The following DOK1 variants were observed in gnomAD, a reference collection of about 807,000 sequenced individuals.
DOK1 encodes docking protein 1.
DOK1 carries 12 observed loss-of-function variants against 24.0 expected under a neutral mutation model. The observed-to-expected ratio is 0.50, with a 90% CI of 0.32 to 0.81. The LOEUF (loss-of-function observed/expected upper bound fraction) is 0.81, where lower values mean the gene tolerates loss of function less well. Among genes scored for constraint, DOK1 ranks in the 30% least tolerant of loss-of-function variants. The probability of loss-of-function intolerance (pLI) is 0.03; values close to 1 mark genes in which losing one functional copy is unlikely to be tolerated. For missense variants in DOK1, 591 were observed against 620.7 expected (o/e 0.95, Z 0.51); for synonymous variants, 250 against 260.9 (o/e 0.96, Z 0.40).
chr2:74,552,061 T>G (rs1677051360), upstream of DOK1, among the ~76,000 whole-genome samples: 1 of 152,250 alleles, frequency 6.6e-6, no homozygotes, highest in African/African-American at 2.4e-5. Context: ...AGGATCATAC[T>G]TTTGCAGCAG....
upstream of DOK1, chr2:74,550,087 C>T: frequency 2.0e-6 from 3 of 1,494,790 alleles, no homozygotes; most frequent in African/African-American, 2.8e-5. Flanking sequence ...CCAAATGATC[C>T]CCCAGGGGTA....
upstream of DOK1, chr2:74,554,383 G>A (rs1573036167): frequency 3.3e-4 from 81 of 243,060 alleles, no homozygotes; most frequent in Middle Eastern, 2.7e-3. This position sits in a 1 kb window ranked among gnomAD's most constrained non-coding sequence, Gnocchi z 4.9. Flanking sequence ...GCCCGTGTGG[G>A]TCTCTCCGGT....
Position 74,549,320 on chromosome 2 carries a change from G to C in DOK1, c.-358+148G>C. ...GATGTCTCCCAAGGCTATTCATCAG[G>C]GAGCACCCCAATCCCGGCCTGCTCC... On this transcript the variant is annotated intron_variant, in intron 1 of 4. Coordinates refer to the DOK1 transcript ENST00000409429. This position sits in a 1 kb window ranked among gnomAD's most constrained non-coding sequence, Gnocchi z 5.3. 1.3e-6 allele frequency: 2 copies of C among 1,510,258 alleles called. No homozygotes were observed. Among genetic ancestry groups the C allele is most frequent in the Non-Finnish European group, 1.8e-6 (2 of 1,123,914 alleles). The allele number at this position is 1,510,258 out of a possible 1,614,324, so 93.6% of individuals were successfully genotyped here.
At chr2:74,552,194 T>C, upstream of DOK1, 1 of 841,128 alleles carries the variant, frequency 1.2e-6, no homozygotes, top group Non-Finnish European at 1.8e-6. Flanking sequence ...TTGTCATCCA[T>C]GGATTTACTC....
chr2:74,557,276 AG>A lies in DOK1; in HGVS notation c.*164del. 1.4e-6 allele frequency: 1 copy of A among 734,430 alleles called. No individual in the cohort carries two copies. Among genetic ancestry groups the A allele is most frequent in the South Asian group, 2.1e-5 (1 of 48,002 alleles). The allele number at this position is 734,430 out of a possible 1,614,324, so 45.5% of individuals were successfully genotyped here. ...GGAGAGTCAAGGGAAGGACAATCCC[AG>A]GAAGTCCTAAGAAGTGGGGCAGATG... On this transcript the variant is annotated 3_prime_UTR_variant, in exon 5 of 5. Transcript: ENST00000233668.
rs1677547199 is a variant in DOK1 at position 74,557,183 on chromosome 2, G to C, written c.*69G>C. On this transcript the variant is annotated 3_prime_UTR_variant, in exon 5 of 5. Coordinates refer to ENST00000233668, the MANE Select transcript of DOK1 (RefSeq NM_001381.5). ...GTGGCACTAGGGATCAAAGAAGATG[G>C]TTAGAACCAGCAGAAGCCAGAGGGT... 1 of 1,493,172 alleles carries C rather than the reference G, an allele frequency of 6.7e-7. No individual in the cohort carries two copies. The highest frequency in any genetic ancestry group is 2.3e-5 in the East Asian group (1 of 43,490). 92.5% of individuals were successfully genotyped at this position (1,493,172 alleles called of 1,614,324 possible).
At chr2:74,552,965 C>T, upstream of DOK1, 1 of 298,030 alleles carries the variant, frequency 3.4e-6, no homozygotes, top group Non-Finnish European at 6.2e-6. Context: ...GAGGAAGACC[C>T]AGACAGACAG....
chr2:74,550,345 C>A (rs73949682), upstream of DOK1: 6,317 of 1,612,492 alleles, frequency 3.9e-3, 221 homozygotes, highest in African/African-American at 0.075. Context: ...CAGCCAGATG[C>A]GGCCTGTGGA....
At position 74,556,843 on chromosome 2, in the gene DOK1, G is replaced by A. The variant is rs1360906550; in HGVS notation, c.1175G>A (p.Arg392Gln). 2.4e-5 allele frequency: 38 copies of A among 1,614,006 alleles called. No individual in the cohort carries two copies. The highest frequency in any genetic ancestry group is 4.5e-5 in the East Asian group (2 of 44,882). The part of the protein sequence containing the change: ...EPKDAWWCQA[R>Q]VKEEGYELPY... ...AAGGATGCATGGTGGTGCCAAGCTC[G>A]GGTGAAGGAGGAGGGCTATGAGCTC... Residue 392 changes from arginine to glutamine, a missense_variant, in exon 5 of 5, where the codon CGG becomes CAG. By Grantham distance (43) the Arg-to-Gln change is conservative (BLOSUM62 1). Coordinates refer to ENST00000233668, the MANE Select transcript of DOK1 (RefSeq NM_001381.5). This position sits in a 1 kb window ranked among gnomAD's most constrained non-coding sequence, Gnocchi z 4.1.
At chr2:74,552,507 C>T (rs765433257), upstream of DOK1, 21 of 1,613,564 alleles carry the variant, frequency 1.3e-5, no homozygotes, top group African/African-American at 4.0e-5. Context: ...CAGCCGGAAC[C>T]GAAGCCCCTG....
rs1245793711 is a variant in DOK1, at chr2:74,555,611, C to T, written c.397C>T (p.Pro133Ser). 1.2e-6 allele frequency: 2 copies of T among 1,614,074 alleles called. No individual in the cohort carries two copies. Among genetic ancestry groups the T allele is most frequent in the Non-Finnish European group, 8.5e-7 (1 of 1,180,048 alleles). ...SWTLAPTDNP[P>S]KLSALEMLEN... ...GACTCTGGCGCCTACCGATAACCCA[C>T]CTAAGCTTTCTGCCCTGGAGATGCT... The change falls in exon 3 of 5, where the codon CCT (proline) becomes TCT (serine). Residue 133 changes from proline to serine, a missense_variant. Transcript: ENST00000233668. The surrounding 1 kb of genome is among the most constrained non-coding windows in gnomAD (Gnocchi z 6.1).
In DOK1 at chr2:74,555,075, G is replaced by T; in HGVS notation, c.61-79G>T. 3 of 1,509,706 alleles carry T rather than the reference G, an allele frequency of 2.0e-6. No individual in the cohort carries two copies. The highest frequency in any genetic ancestry group is 2.4e-4 in the Middle Eastern group (1 of 4,146). 93.5% of individuals were successfully genotyped at this position (1,509,706 alleles called of 1,614,324 possible). On this transcript the variant is annotated intron_variant, in intron 1 of 4. Transcript: ENST00000233668. The surrounding 1 kb of genome is among the most constrained non-coding windows in gnomAD (Gnocchi z 6.1). ...AGCCCCAGATCCCAAATCGACTTGC[G>T]CCGCAACCTCCTTCCCCGTCGGGAC...
upstream of DOK1, chr2:74,550,263 G>A: frequency 9.3e-6 from 15 of 1,614,176 alleles, no homozygotes; most frequent in Non-Finnish European, 1.2e-5. Flanking sequence ...CGTGCGTACA[G>A]TCACTGTTCC....
chr2:74,551,754 C>G (rs1011777429), upstream of DOK1, among the ~76,000 whole-genome samples: 3 of 152,286 alleles, frequency 2.0e-5, no homozygotes, highest in African/African-American at 7.2e-5. Flanking sequence ...GTCCATCATT[C>G]CCACTGTGGG....
At position 74,549,568 on chromosome 2, in the gene DOK1, G is replaced by A; in HGVS notation, c.-358+396G>A. Reference sequence around the variant, plus strand: ...GGTCGAATTCGCACCTCCTCCACTTGCAGGTGATGCTCTACCTGGGGGCGG... The same window carrying A: ...GGTCGAATTCGCACCTCCTCCACTTACAGGTGATGCTCTACCTGGGGGCGG... On this transcript the variant is annotated intron_variant, in intron 1 of 4. Coordinates refer to the DOK1 transcript ENST00000409429. This position sits in a 1 kb window ranked among gnomAD's most constrained non-coding sequence, Gnocchi z 5.3. 2 of 1,609,642 alleles carry A rather than the reference G, an allele frequency of 1.2e-6. No homozygotes were observed. Among genetic ancestry groups the A allele is most frequent in the Non-Finnish European group, 1.7e-6 (2 of 1,176,984 alleles).
At chr2:74,550,405 A>G, upstream of DOK1, 1 of 1,567,266 alleles carries the variant, frequency 6.4e-7, no homozygotes, top group Non-Finnish European at 8.7e-7. Flanking sequence ...TGGGGGAGTA[A>G]TGGGGATGTA....
chr2:74,552,192 C>T, upstream of DOK1: 1 of 825,628 alleles, frequency 1.2e-6, no homozygotes, highest in South Asian at 1.8e-5. Context: ...GTTTGTCATC[C>T]ATGGATTTAC....
In DOK1 at chr2:74,549,168, T is replaced by A. The variant is rs1676819803; in HGVS notation, c.-362T>A. On this transcript the variant is annotated 5_prime_UTR_variant, in exon 1 of 5. Coordinates refer to the DOK1 transcript ENST00000409429. The surrounding 1 kb of genome is among the most constrained non-coding windows in gnomAD (Gnocchi z 5.3). ...GAGCGGGAGCCTCGCTGGTCCCCATTTCAGGTACTCCCTTGGGGCACCTTT... is the reference window on the plus strand; with the variant it reads ...GAGCGGGAGCCTCGCTGGTCCCCATATCAGGTACTCCCTTGGGGCACCTTT... 2.1e-6 allele frequency: 1 copy of A among 484,370 alleles called. No individual in the cohort carries two copies. The highest frequency in any genetic ancestry group is 3.4e-6 in the Non-Finnish European group (1 of 291,424). 30.0% of individuals were successfully genotyped at this position (484,370 alleles called of 1,614,324 possible). A position where few individuals can be genotyped will look rare whatever the true frequency, so the allele number is the denominator to read the frequency against.
upstream of DOK1, chr2:74,554,638 C>A (rs907128302): frequency 3.1e-6 from 3 of 983,184 alleles, no homozygotes; most frequent in African/African-American, 1.6e-5. The surrounding 1 kb of genome is among the most constrained non-coding windows in gnomAD (Gnocchi z 4.9). Flanking sequence ...GCGACCCCCC[C>A]AGCGGCTGCC....
Sources: gnomAD v4.1 joint callset for allele counts (sites outside exome capture counted in the v4.1 genomes callset) on GRCh38, gnomAD v4.1.1 for gene constraint, Gnocchi (gnomAD v3.1) non-coding constraint, MANE v1.5 for transcripts, NCBI Gene and HGNC (gene_info 2026-07-23, HGNC 2026-07-21) for gene names.